UTRN: variants seen among roughly 807,000 people sequenced by gnomAD.
UTRN encodes dystrophin-related protein 1.
Under a neutral mutation model 463.9 loss-of-function variants are expected in UTRN, and 283 were observed. That is an observed-to-expected ratio of 0.61 (90% CI 0.55 to 0.67). The LOEUF is 0.67. Among genes scored for constraint, UTRN ranks in the 30% least tolerant of loss-of-function variants. The pLI is 0.00. For missense variants in UTRN, 3,922 were observed against 4,084.3 expected, an observed-to-expected ratio of 0.96 and a Z score of 1.08; for synonymous variants, 1,442 against 1,431.5, an observed-to-expected ratio of 1.01 and a Z score of -0.17.
rs768652477 is a variant in UTRN, at chr6:144,474,643, A to G, written c.3220A>G (p.Lys1074Glu). Residue 1074 changes from lysine (K) to glutamate (E), a missense_variant, in exon 25 of 75, where the codon AAA (lysine) becomes GAA (glutamate). Lys to Glu is a moderately conservative substitution (Grantham distance 56). This residue lies in a region of UTRN where 2,349 missense variants were observed against 2,303.8 expected (regional missense o/e 1.02). Transcript: ENST00000367545. ...AATAGAAACAATTGAATCATCTCTG[A>G]AAAACATGAAGGAAATAGAGACTAA... is the stretch of plus-strand genomic sequence containing the variant. ...NEIETIESSL[K>E]NMKEIETNLR... is the part of the protein sequence containing the mutation. 25 of 1,613,570 alleles carry G rather than the reference A, an allele frequency of 1.5e-5. No individual in the cohort carries two copies. The highest frequency in any genetic ancestry group is 1.9e-5 in the Non-Finnish European group (22 of 1,179,868).
intron 51 of UTRN, among the ~76,000 whole-genome samples, chr6:144,613,948 A>G (rs1036754747): frequency 2.0e-5 from 3 of 152,090 alleles, no homozygotes; most frequent in Non-Finnish European, 2.9e-5. Context: ...ATCTTTTCCC[A>G]TACTAAAAGT....
intron 53 of UTRN, among the ~76,000 whole-genome samples, chr6:144,727,860 C>G (rs1314816186): frequency 6.6e-6 from 1 of 152,106 alleles, no homozygotes; most frequent in Non-Finnish European, 1.5e-5. Flanking sequence ...GAGGCCAAGG[C>G]AGGTGGATCA....
At chr6:144,420,889 C>T (rs892894626) in intron 3 of UTRN, among the ~76,000 whole-genome samples, 16 of 152,332 alleles carry the variant, frequency 1.1e-4, no homozygotes, top group Admixed American at 3.9e-4. Flanking sequence ...ATTTTTAATG[C>T]GTCTCGTTAT....
chr6:144,496,139 A>G lies in UTRN; in HGVS notation c.4593+2683A>G, dbSNP rs561435160. On this transcript the variant is annotated intron_variant, in intron 33 of 74. Coordinates refer to ENST00000367545, the MANE Select transcript of UTRN (RefSeq NM_007124.3). ...ATTTTTGCCCTGAAACCAGGAGAGCAAAGAATGTGTGGAAGTGTGAAACCT... is the reference window on the plus strand; with the variant it reads ...ATTTTTGCCCTGAAACCAGGAGAGCGAAGAATGTGTGGAAGTGTGAAACCT... Among the ~76,000 whole-genome samples the G allele has an allele frequency of 2.6e-5, 4 of 152,238 alleles. No homozygotes were observed. In the East Asian group the frequency reaches 7.7e-4, roughly 29 times the overall value.
At chr6:144,837,998 C>T (rs377665617) in intron 71 of UTRN, among the ~76,000 whole-genome samples, 5 of 152,276 alleles carry the variant, frequency 3.3e-5, no homozygotes, top group Admixed American at 6.5e-5. Context: ...TTTTTCATTC[C>T]GCGAACTTGA....
chr6:144,304,367 G>T (rs1255477710), intron 2 of UTRN, among the ~76,000 whole-genome samples: 1 of 152,182 alleles, frequency 6.6e-6, no homozygotes, highest in Non-Finnish European at 1.5e-5. Flanking sequence ...TCTACAACAT[G>T]TTAGGCTTGT....
At chr6:144,514,184 C>A (rs931028094) in intron 36 of UTRN, 147 bp downstream of exon 36, 4 of 1,167,872 alleles carry the variant, frequency 3.4e-6, no homozygotes, top group Non-Finnish European at 4.8e-6. Context: ...GAAACTGAGA[C>A]AATAAGAGAC....
chr6:144,383,901 A>G (rs1288208086), intron 2 of UTRN, among the ~76,000 whole-genome samples: 1 of 152,234 alleles, frequency 6.6e-6, no homozygotes, highest in Non-Finnish European at 1.5e-5. Flanking sequence ...TATGAGTATT[A>G]AAAGACAAAA....
chr6:144,454,642 G>A (rs997441677), intron 19 of UTRN, among the ~76,000 whole-genome samples: 1 of 152,020 alleles, frequency 6.6e-6, no homozygotes, highest in Non-Finnish European at 1.5e-5. Flanking sequence ...TTTATTGTTT[G>A]ACTTTTTGTT....
In UTRN at chr6:144,759,453, G is replaced by T. The variant is rs555766529; in HGVS notation, c.8495+1464G>T. On this transcript the variant is annotated intron_variant, in intron 58 of 74. Coordinates refer to ENST00000367545, the MANE Select transcript of UTRN (RefSeq NM_007124.3). ...ATCTTACAAATTTAGATATAAATCTGATGTACTGTGGTAGGCAAAATAATA... is the reference window on the plus strand; with the variant it reads ...ATCTTACAAATTTAGATATAAATCTTATGTACTGTGGTAGGCAAAATAATA... Among the ~76,000 whole-genome samples, 3 of 152,232 alleles carry T rather than the reference G, an allele frequency of 2.0e-5. No homozygotes were observed. In the East Asian group the frequency reaches 5.8e-4, roughly 29 times the overall value.
intron 2 of UTRN, among the ~76,000 whole-genome samples, chr6:144,401,128 A>G (rs939640925): frequency 2.0e-5 from 3 of 152,208 alleles, no homozygotes; most frequent in Non-Finnish European, 4.4e-5. Context: ...ATGGCCCCAA[A>G]TTCTTAAGTT....
intron 53 of UTRN, among the ~76,000 whole-genome samples, chr6:144,722,055 C>G (rs1366971151): frequency 6.6e-6 from 1 of 152,204 alleles, no homozygotes; most frequent in Non-Finnish European, 1.5e-5. Context: ...CTTGAGCCAG[C>G]AAGTAGCCAG....
At chr6:144,553,719 T>G (rs900226290) in intron 48 of UTRN, among the ~76,000 whole-genome samples, 1 of 152,024 alleles carries the variant, frequency 6.6e-6, no homozygotes, top group Non-Finnish European at 1.5e-5. Flanking sequence ...GTTCGAGACC[T>G]GGCCAACATG....
At chr6:144,527,440 T>C (rs1227069305) in intron 41 of UTRN, among the ~76,000 whole-genome samples, 1 of 152,228 alleles carries the variant, frequency 6.6e-6, no homozygotes, top group East Asian at 1.9e-4. Flanking sequence ...CTTTCCTTCT[T>C]ATTGACTTTA....
chr6:144,503,624 C>T (rs772540929), intron 34 of UTRN, among the ~76,000 whole-genome samples: 21 of 152,076 alleles, frequency 1.4e-4, no homozygotes, highest in Non-Finnish European at 2.4e-4. Context: ...TGTTTTGGTA[C>T]CAGTACCATG....
chr6:144,548,492 G>A (rs1241336684), intron 46 of UTRN, 148 bp from the exon 47 acceptor site: 4 of 689,966 alleles, frequency 5.8e-6, no homozygotes, highest in Non-Finnish European at 9.5e-6. Context: ...TAATACCATA[G>A]CCATTTCAGT....
intron 51 of UTRN, among the ~76,000 whole-genome samples, chr6:144,646,701 G>A (rs959603534): frequency 6.6e-6 from 1 of 152,108 alleles, no homozygotes; most frequent in African/African-American, 2.4e-5. Context: ...GAAAGCAAAT[G>A]TATCAGGGGG....
intron 2 of UTRN, among the ~76,000 whole-genome samples, chr6:144,312,820 A>T (rs1346272314): frequency 1.3e-5 from 2 of 152,130 alleles, no homozygotes; most frequent in Admixed American, 1.3e-4. Context: ...CTGAGGCTGG[A>T]TATTATATTC....
intron 2 of UTRN, among the ~76,000 whole-genome samples, chr6:144,368,390 TTGG>T (rs1779689195): frequency 6.6e-6 from 1 of 152,192 alleles, no homozygotes; most frequent in Non-Finnish European, 1.5e-5. Context: ...AAATAATTTG[TTGG>T]TATATGTTAA....
Sources: allele counts gnomAD v4.1 joint callset (sites outside exome capture counted in the v4.1 genomes callset), GRCh38; gene constraint gnomAD v4.1.1; regional missense constraint gnomAD v4.1.1; transcripts MANE v1.5; gene names NCBI Gene and HGNC (gene_info 2026-07-23, HGNC 2026-07-21).